Variants in SH2D3C observed in about 807,000 individuals in gnomAD.
SH2D3C encodes the protein SH2 domain-containing protein 3C.
Under a neutral mutation model 75.2 loss-of-function variants are expected in SH2D3C, and 25 were observed. The ratio of observed to expected loss-of-function variants is 0.33; its 90% confidence interval spans 0.24 to 0.46. The LOEUF is 0.46. SH2D3C is among the 20% of genes least tolerant of loss of function. The pLI is 1.00. For missense variants in SH2D3C, 933 were observed against 1,165.3 expected (o/e 0.80, Z 2.90); for synonymous variants, 450 against 473.7 (o/e 0.95, Z 0.65).
chr9:127,740,196 G>T, intron 10 of SH2D3C, 62 bp downstream of exon 10: 2 of 1,359,312 alleles, frequency 1.5e-6, no homozygotes, highest in Non-Finnish European at 2.1e-6. Context: ...TGTCCATGCT[G>T]GGAGTCTTTG....
chr9:127,771,253 C>G (rs1171927433), intron 2 of SH2D3C: 36 of 1,542,266 alleles, frequency 2.3e-5, no homozygotes, highest in Non-Finnish European at 2.9e-5. Context: ...TCGCCGCCGG[C>G]AACCCGGGGA....
rs142193593 is a variant in SH2D3C at position 127,775,032 on chromosome 9, G to A, written c.38-565C>T. On this transcript the variant is annotated intron_variant, in intron 1 of 11. Coordinates refer to ENST00000314830, the MANE Select transcript of SH2D3C (RefSeq NM_170600.3). The stretch of plus-strand genomic sequence containing the variant: ...GAACCCGGGAGGCGGAGGTTGCAGT[G>A]AGCCGAGACTGCACCATTGCATTCC... Among the ~76,000 whole-genome samples, 479 of 152,182 alleles carry A rather than the reference G, an allele frequency of 3.1e-3. 5 individuals are homozygous for A. The highest frequency in any genetic ancestry group is 0.011 in the African/African-American group (461 of 41,518).
Position 127,749,587 on chromosome 9 carries a change from T to C in SH2D3C, c.763A>G (p.Thr255Ala). 1 of 1,607,092 alleles carries C rather than the reference T, an allele frequency of 6.2e-7. No individual in the cohort carries two copies. Among genetic ancestry groups the C allele is most frequent in the Non-Finnish European group, 8.5e-7 (1 of 1,176,948 alleles). Residue 255 changes from threonine to alanine, a missense_variant, in exon 5 of 12, where the codon ACG (threonine) becomes GCG (alanine). Physicochemically the swap from Thr to Ala is moderately conservative, Grantham distance 58 (BLOSUM62 0). Coordinates refer to ENST00000314830, the MANE Select transcript of SH2D3C (RefSeq NM_170600.3). This position sits in a 1 kb window ranked among gnomAD's most constrained non-coding sequence, Gnocchi z 5.9. The part of the protein sequence containing the change: ...SLTSLGDYVL[T>A]CRWRNQALHF... ...AAGGCCTGGTTGCGCCAGCGGCACG[T>C]GAGCACATAGTCGCCCAGGCTGGTG...
intron 2 of SH2D3C, among the ~76,000 whole-genome samples, chr9:127,771,890 T>C (rs1158492445): frequency 6.6e-6 from 1 of 152,252 alleles, no homozygotes; most frequent in African/African-American, 2.4e-5. Context: ...GAGTGCAGCA[T>C]GCCAGCCACT....
chr9:127,770,769 T>C (rs1845717791), intron 2 of SH2D3C, among the ~76,000 whole-genome samples: 1 of 152,174 alleles, frequency 6.6e-6, no homozygotes, highest in Non-Finnish European at 1.5e-5. Flanking sequence ...GAAGAAGGCT[T>C]GGGCTGGGTC....
Position 127,749,548 on chromosome 9 carries a change from T to A in SH2D3C, c.802A>T (p.Asn268Tyr). ...TCGCCTGCCTTCACCACCACCTTGTTGATCTTGAAGTGCAAGGCCTGGTTG... is the reference window on the plus strand; with the variant it reads ...TCGCCTGCCTTCACCACCACCTTGTAGATCTTGAAGTGCAAGGCCTGGTTG... ...WRNQALHFKI[N>Y]KVVVKAGESY... Residue 268 changes from asparagine (N) to tyrosine (Y), a missense_variant, in exon 5 of 12, where the codon AAC (asparagine) becomes TAC (tyrosine). Transcript: ENST00000314830. This position sits in a 1 kb window ranked among gnomAD's most constrained non-coding sequence, Gnocchi z 5.9. The A allele has an allele frequency of 6.2e-7, 1 of 1,612,090 alleles. No individual in the cohort carries two copies.
rs1196838568 is a variant in SH2D3C at position 127,747,043 on chromosome 9, C to A, written c.1264+104G>T. 5 of 1,147,850 alleles carry A rather than the reference C, an allele frequency of 4.4e-6. No homozygotes were observed. The African/African-American group carries it at 4.6e-5, about 11-fold the overall frequency. 71.1% of individuals were successfully genotyped at this position (1,147,850 alleles called of 1,614,324 possible). A position where few individuals can be genotyped will look rare whatever the true frequency, so the allele number is the denominator to read the frequency against. On this transcript the variant is annotated intron_variant, in intron 6 of 11. Coordinates refer to ENST00000314830, the MANE Select transcript of SH2D3C (RefSeq NM_170600.3). ...GTCAGTTCTTTCTCTTGGTAAAGGT[C>A]GCGCCTCATAAAAGAGGCGGAAACA...
chr9:127,758,940 G>A (rs954318680), intron 3 of SH2D3C, among the ~76,000 whole-genome samples: 1 of 152,242 alleles, frequency 6.6e-6, no homozygotes, highest in Non-Finnish European at 1.5e-5. Context: ...ACATAGAGTT[G>A]TGCAGATAGC....
At chr9:127,753,565 A>G (rs1845265077) in intron 3 of SH2D3C, among the ~76,000 whole-genome samples, 1 of 152,204 alleles carries the variant, frequency 6.6e-6, no homozygotes, top group Non-Finnish European at 1.5e-5. Context: ...CGAAGGGCAG[A>G]GAGGCCCAGG....
intron 6 of SH2D3C, among the ~76,000 whole-genome samples, chr9:127,746,568 T>C (rs948168208): frequency 2.0e-5 from 3 of 151,994 alleles, no homozygotes; most frequent in African/African-American, 7.3e-5. Flanking sequence ...TTTGGGAGGC[T>C]GAGGCGGGTG....
At position 127,774,415 on chromosome 9, in the gene SH2D3C, G is replaced by A; in HGVS notation, c.90C>T (p.Phe30=). ...FGSLSNLPRS[F]TLRRSSASIS... ...TGGAAGCTGAGGATCGTCTCAGAGT[G>A]AAGGACCGAGGGAGGTTGGAGAGAC... is the stretch of plus-strand genomic sequence containing the variant. The change falls in exon 2 of 12, where the codon TTC becomes TTT. Residue 30 remains phenylalanine (F), a synonymous_variant. Transcript: ENST00000314830. The surrounding 1 kb of genome is among the most constrained non-coding windows in gnomAD (Gnocchi z 4.3). 6.2e-7 allele frequency: 1 copy of A among 1,613,162 alleles called. No homozygotes were observed. The highest frequency in any genetic ancestry group is 8.5e-7 in the Non-Finnish European group (1 of 1,179,230).
intron 3 of SH2D3C, chr9:127,755,034 G>A (rs1173501337): frequency 8.2e-6 from 8 of 976,510 alleles, no homozygotes; most frequent in Middle Eastern, 8.4e-4. Context: ...AGCGGCCGGG[G>A]GTCCCAGCCC....
chr9:127,767,360 A>G, intron 2 of SH2D3C: 2 of 1,416,798 alleles, frequency 1.4e-6, no homozygotes, highest in Non-Finnish European at 1.8e-6. Flanking sequence ...TTTACAGGGG[A>G]GAAAACTGAA....
rs370528837 is a variant in SH2D3C at position 127,744,700 on chromosome 9, G to A, written c.1664C>T (p.Pro555Leu). The A allele has an allele frequency of 1.1e-5, 18 of 1,614,086 alleles. No individual in the cohort carries two copies. The highest frequency in any genetic ancestry group is 1.6e-4 in the Middle Eastern group (1 of 6,084). The stretch of plus-strand genomic sequence containing the variant: ...GATCAGTAGTGACTGGAAGGTGGCC[G>A]GGTTGAAGGAAGAAGTGACTTCCAC... ...PIVEVTSSFN[P>L]ATFQSLLIPR... The change falls in exon 7 of 12, where the codon CCG becomes CTG. Residue 555 changes from proline (P) to leucine (L), a missense_variant. By Grantham distance (98) the Pro-to-Leu change is moderately conservative. Transcript: ENST00000314830.
rs149254119 is a variant in SH2D3C, at chr9:127,774,029, A to G, written c.476T>C (p.Val159Ala). The stretch of plus-strand genomic sequence containing the variant: ...GTCCCTGGGAGGTCTCTCCTCTTCT[A>G]CGTCTCCTGTGGGGACCTCAGGCTT... Reference protein sequence around the residue: ...IRKPEVPTGDVEEERPPRDVH... With the variant: ...IRKPEVPTGDAEEERPPRDVH... The change falls in exon 2 of 12, where the codon GTA becomes GCA. Residue 159 changes from valine (V) to alanine (A), a missense_variant. Transcript: ENST00000314830. This position sits in a 1 kb window ranked among gnomAD's most constrained non-coding sequence, Gnocchi z 4.3. 152 of 1,613,782 alleles carry G rather than the reference A, an allele frequency of 9.4e-5. No individual in the cohort carries two copies. Among genetic ancestry groups the G allele is most frequent in the African/African-American group, 3.6e-4 (27 of 74,862 alleles).
intron 8 of SH2D3C, chr9:127,742,633 A>G (rs1156785617): frequency 2.0e-6 from 1 of 509,642 alleles, no homozygotes; most frequent in Non-Finnish European, 3.5e-6. Flanking sequence ...GGGATGCGAA[A>G]GGAAGGCGAA....
chr9:127,772,991 G>A (rs1387712448), intron 2 of SH2D3C, among the ~76,000 whole-genome samples: 1 of 151,884 alleles, frequency 6.6e-6, no homozygotes, highest in Non-Finnish European at 1.5e-5. Context: ...GCACCACCAC[G>A]CCCTGCTAGT....
At chr9:127,748,551 C>G (rs377019401) in intron 5 of SH2D3C, among the ~76,000 whole-genome samples, 2 of 152,226 alleles carry the variant, frequency 1.3e-5, no homozygotes, top group Non-Finnish European at 2.9e-5. Flanking sequence ...GGCTTCCCCC[C>G]TCTAAGCCTA....
rs774114110 is a variant in SH2D3C at position 127,739,743 on chromosome 9, G to A, written c.2346C>T (p.Ala782=). ...GVEVVLAHLE[A]ARTVAHHGGL... ...CTCCGTGGTGTGCCACTGTGCGGGC[G>A]GCCTCCAGGTGAGCCAGCACCACCT... The change falls in exon 11 of 12, where the codon GCC becomes GCT. Residue 782 remains alanine (A), a synonymous_variant. Transcript: ENST00000314830. The surrounding 1 kb of genome is among the most constrained non-coding windows in gnomAD (Gnocchi z 4.3). 6.2e-5 allele frequency: 100 copies of A among 1,610,242 alleles called. No individual in the cohort carries two copies. Among genetic ancestry groups the A allele is most frequent in the Non-Finnish European group, 8.1e-5 (96 of 1,179,488 alleles).
Sources: gnomAD v4.1 joint callset for allele counts (sites outside exome capture counted in the v4.1 genomes callset) on GRCh38, gnomAD v4.1.1 for gene constraint, Gnocchi (gnomAD v3.1) non-coding constraint, MANE v1.5 for transcripts, NCBI Gene and HGNC (gene_info 2026-07-23, HGNC 2026-07-21) for gene names.